The following ECM2 variants were observed in gnomAD, a reference collection of about 807,000 sequenced individuals.
The protein encoded by ECM2 is extracellular matrix protein 2.
Under a neutral mutation model 67.5 loss-of-function variants are expected in ECM2, and 57 were observed. That is an observed-to-expected ratio of 0.84 (90% CI 0.68 to 1.05). The LOEUF (loss-of-function observed/expected upper bound fraction) is 1.05, where lower values mean the gene tolerates loss of function less well. Ranked by LOEUF, ECM2 falls within the 50% of genes least tolerant of loss-of-function variation. The pLI is 0.00. For synonymous variants in ECM2, 258 were observed against 294.5 expected (o/e 0.88, Z 1.27); for missense variants, 741 against 822.8 (o/e 0.90, Z 1.22).
chr9:92,514,904 C>A lies in ECM2; in HGVS notation c.781G>T (p.Ala261Ser), dbSNP rs1170604357. ...CTTCCTTGGCGTTGTTGCTGGTGTG[C>A]CAGCCTCCTCTCCTCTCCAGGCCTC... ...KQRPGEERRL[A>S]HQQQRQGREE... is the part of the protein sequence containing the mutation. The change falls in exon 4 of 10, where the codon GCA (alanine) becomes TCA (serine). Residue 261 changes from alanine to serine, a missense_variant. Transcript: ENST00000344604. 1.2e-6 allele frequency: 2 copies of A among 1,613,568 alleles called. No homozygotes were observed. The highest frequency in any genetic ancestry group is 8.5e-7 in the Non-Finnish European group (1 of 1,179,720).
chr9:92,529,829 TTCTTAGGGCAG>T (rs1299841225), intron 1 of ECM2, among the ~76,000 whole-genome samples: 1 of 152,264 alleles, frequency 6.6e-6, no homozygotes, highest in East Asian at 1.9e-4. Flanking sequence ...ACACAGAGGA[TTCTTAGGGCAG>T]TGAAACTCTT....
rs1564357152 is a variant in ECM2, at chr9:92,501,060, C to A, written c.1605-7G>T. On this transcript the variant is annotated splice_polypyrimidine_tract_variant and splice_region_variant and intron_variant, in intron 8 of 9. Transcript: ENST00000344604. ...ATCAATGGATTCTAGATTTCTGCAG[C>A]AAAGAAAAAAGTAAACAGGGTAGGG... The A allele has an allele frequency of 6.2e-7, 1 of 1,604,122 alleles. No individual in the cohort carries two copies. Among genetic ancestry groups the A allele is most frequent in the Non-Finnish European group, 8.5e-7 (1 of 1,174,680 alleles).
chr9:92,509,971 A>G lies in ECM2; in HGVS notation c.1234T>C (p.Leu412=), dbSNP rs370587410. Residue 412 remains leucine, a synonymous_variant, in exon 6 of 10, where the codon TTG becomes CTG. Coordinates refer to ENST00000344604, the MANE Select transcript of ECM2 (RefSeq NM_001393.4). ...TTAAGTTCTTCTAATGTAGATGGCA[A>G]TTGTGAAGGAATCTGTATCAAATTA... The part of the protein sequence containing the change: ...GNNLIQIPSQ[L]PSTLEELKVN... 9.3e-6 allele frequency: 15 copies of G among 1,610,952 alleles called. No homozygotes were observed. Among genetic ancestry groups the G allele is most frequent in the Non-Finnish European group, 1.3e-5 (15 of 1,179,342 alleles).
chr9:92,516,692 T>A (rs1276531755), intron 3 of ECM2: 1 of 152,202 alleles, frequency 6.6e-6, no homozygotes, highest in Non-Finnish European at 1.5e-5. Context: ...TCTGAAAAAA[T>A]TTCTGAGAAT....
chr9:92,550,266 C>T, the ECM2 span, among the ~76,000 whole-genome samples: 1 of 152,076 alleles, frequency 6.6e-6, no homozygotes, highest in East Asian at 1.9e-4. Context: ...TGTGGTGGTG[C>T]GTGCCTGTAG....
intron 7 of ECM2, among the ~76,000 whole-genome samples, chr9:92,504,109 T>C (rs1309686868): frequency 6.6e-6 from 1 of 152,214 alleles, no homozygotes; most frequent in African/African-American, 2.4e-5. Context: ...ATGTATGTGT[T>C]TTAACATGTG....
chr9:92,501,034 G>T lies in ECM2; in HGVS notation c.1624C>A (p.Leu542Ile), dbSNP rs575737141. ...ACGTGATAGAGCTTGTTGTAGGAGAGATCAATGGATTCTAGATTTCTGCAG... is the reference window on the plus strand; with the variant it reads ...ACGTGATAGAGCTTGTTGTAGGAGATATCAATGGATTCTAGATTTCTGCAG... Reference protein sequence around the residue: ...INQENLESIDLSYNKLYHVPS... With the variant: ...INQENLESIDISYNKLYHVPS... Residue 542 changes from leucine to isoleucine, a missense_variant, in exon 9 of 10, where the codon CTC becomes ATC. Coordinates refer to ENST00000344604, the MANE Select transcript of ECM2 (RefSeq NM_001393.4). 6.2e-7 allele frequency: 1 copy of T among 1,612,758 alleles called. No homozygotes were observed. The highest frequency in any genetic ancestry group is 2.2e-5 in the East Asian group (1 of 44,840).
At chr9:92,500,017 G>GA (rs35580016) in intron 9 of ECM2, among the ~76,000 whole-genome samples, 1 of 152,046 alleles carries the variant, frequency 6.6e-6, no homozygotes, top group Admixed American at 6.5e-5. Context: ...TCTGACTTCA[G>GA]AAAAAACTAG....
At chr9:92,551,925 G>GTA in the ECM2 span, among the ~76,000 whole-genome samples, 9,686 of 84,332 alleles carry the variant, frequency 0.11, 723 homozygotes, top group East Asian at 0.21. Flanking sequence ...TGGTGTGTGT[G>GTA]TATATATATA....
chr9:92,544,597 A>G, the ECM2 span, among the ~76,000 whole-genome samples: 65 of 152,230 alleles, frequency 4.3e-4, 1 homozygote, highest in Non-Finnish European at 8.1e-4. Flanking sequence ...TCTACATTCC[A>G]AAGTTGTTCT....
rs575853228 is a variant in ECM2, at chr9:92,517,536, A to G, written c.481+151T>C. Reference sequence around the variant, plus strand: ...TATCCCCTACCATACATTTTCCCAGATATTTTCTATGTTAATCAGCATTTT... The same window carrying G: ...TATCCCCTACCATACATTTTCCCAGGTATTTTCTATGTTAATCAGCATTTT... On this transcript the variant is annotated intron_variant, in intron 3 of 9. Transcript: ENST00000344604. 35 of 1,029,498 alleles carry G rather than the reference A, an allele frequency of 3.4e-5. No homozygotes were observed. The East Asian group carries it at 7.9e-4, about 23-fold the overall frequency. The allele number at this position is 1,029,498 out of a possible 1,614,324, so 63.8% of individuals were successfully genotyped here.
At chr9:92,547,931 G>A in the ECM2 span, among the ~76,000 whole-genome samples, 800 of 152,190 alleles carry the variant, frequency 5.3e-3, 13 homozygotes, top group African/African-American at 0.018. Context: ...AGAAAAAGAA[G>A]AGAAACAGTT....
At chr9:92,535,632 ATTAT>A (rs1334562933) in intron 1 of ECM2, among the ~76,000 whole-genome samples, 7 of 152,072 alleles carry the variant, frequency 4.6e-5, no homozygotes, top group African/African-American at 1.7e-4. Flanking sequence ...AATATTTTGA[ATTAT>A]TTATGTTCTT....
At chr9:92,548,253 CTT>C in the ECM2 span, among the ~76,000 whole-genome samples, 1 of 152,120 alleles carries the variant, frequency 6.6e-6, no homozygotes, top group African/African-American at 2.4e-5. Flanking sequence ...TGAAAGCTCT[CTT>C]GCTGGTACTT....
At chr9:92,546,710 C>T in the ECM2 span, among the ~76,000 whole-genome samples, 1 of 152,054 alleles carries the variant, frequency 6.6e-6, no homozygotes, top group Non-Finnish European at 1.5e-5. Flanking sequence ...GTCAGTGAGA[C>T]CAAGAACCCA....
chr9:92,546,631 CA>C, the ECM2 span, among the ~76,000 whole-genome samples: 2 of 152,294 alleles, frequency 1.3e-5, no homozygotes, highest in South Asian at 4.1e-4. Flanking sequence ...CCAGAAGGAA[CA>C]AACTCTGGAC....
At position 92,514,830 on chromosome 9, in the gene ECM2, A is replaced by ATCCTCCTCACCCTCCTCACCCTCC. The variant is rs1284520083; in HGVS notation, c.831_854dup (p.Glu277_Glu284dup). 5.0e-6 allele frequency: 8 copies of ATCCTCCTCACCCTCCTCACCCTCC among 1,610,640 alleles called. No homozygotes were observed. The African/African-American group carries it at 9.4e-5, about 19-fold the overall frequency. On this transcript the variant is annotated inframe_insertion, in exon 4 of 10. Transcript: ENST00000344604. ...TTACCGGGTCCTCCTCGTCCTCCTCATCCTCCTCACCCTCCTCACCCTCCT... is the reference window on the plus strand; with the variant it reads ...TTACCGGGTCCTCCTCGTCCTCCTCATCCTCCTCACCCTCCTCACCCTCCTCCTCCTCACCCTCCTCACCCTCCT...
chr9:92,546,818 C>T, the ECM2 span, among the ~76,000 whole-genome samples: 2 of 152,106 alleles, frequency 1.3e-5, no homozygotes, highest in African/African-American at 4.8e-5. Flanking sequence ...AAAATTGTCA[C>T]AAGAAGAATC....
chr9:92,558,289 A>G, the ECM2 span, among the ~76,000 whole-genome samples: 27 of 152,304 alleles, frequency 1.8e-4, no homozygotes, highest in South Asian at 1.0e-3. Context: ...GGGAAGGTCT[A>G]GGGCTGAAGG....
Sources: allele counts gnomAD v4.1 joint callset (sites outside exome capture counted in the v4.1 genomes callset), GRCh38; gene constraint gnomAD v4.1.1; transcripts MANE v1.5; gene names NCBI Gene and HGNC (gene_info 2026-07-23, HGNC 2026-07-21).